The following PIGU variants were observed in gnomAD, a reference collection of about 807,000 sequenced individuals.
PIGU encodes the protein phosphatidylinositol glycan anchor biosynthesis class U, also known as GPI-anchor transamidase component PIGU.
PIGU carries 24 observed loss-of-function variants against 49.9 expected under a neutral mutation model. The observed-to-expected ratio is 0.48, with a 90% CI of 0.35 to 0.68. The LOEUF (loss-of-function observed/expected upper bound fraction) is 0.68, where lower values mean the gene tolerates loss of function less well. PIGU is among the 30% of genes least tolerant of loss of function. The pLI is 0.01. For missense variants in PIGU, 490 were observed against 532.6 expected (o/e 0.92, Z 0.79); for synonymous variants, 220 against 205.7 (o/e 1.07, Z -0.59).
intron 1 of PIGU, among the ~76,000 whole-genome samples, chr20:34,659,188 G>A (rs1349830982): frequency 6.5e-5 from 8 of 123,780 alleles, no homozygotes; most frequent in South Asian, 2.6e-4. Context: ...CAGCCGCCCC[G>A]TCCAGGAGGG....
chr20:34,661,560 T>C (rs1287651249), intron 1 of PIGU, among the ~76,000 whole-genome samples: 1 of 151,928 alleles, frequency 6.6e-6, no homozygotes, highest in Non-Finnish European at 1.5e-5. Flanking sequence ...TTTTTTTTTT[T>C]AATGCTGCAT....
intron 7 of PIGU, among the ~76,000 whole-genome samples, chr20:34,591,953 C>T (rs993371483): frequency 3.9e-5 from 6 of 152,074 alleles, no homozygotes; most frequent in African/African-American, 1.4e-4. Flanking sequence ...TCTGGGAGGC[C>T]GAAGCGGGTG....
intron 7 of PIGU, among the ~76,000 whole-genome samples, chr20:34,596,651 T>C (rs1984211040): frequency 6.6e-6 from 1 of 152,156 alleles, no homozygotes; most frequent in South Asian, 2.1e-4. Context: ...TTTAAAAAAT[T>C]AGAGCGTTCT....
chr20:34,656,849 T>C (rs1161189155), intron 2 of PIGU, among the ~76,000 whole-genome samples: 2 of 152,096 alleles, frequency 1.3e-5, no homozygotes, highest in African/African-American at 4.8e-5. Context: ...GTAGTTTTCA[T>C]GGGAAATCAT....
rs1983335235 is a variant in PIGU, at chr20:34,578,689, C to G, written c.1051+2859G>C. Among the ~76,000 whole-genome samples, 4 of 152,200 alleles carry G rather than the reference C, an allele frequency of 2.6e-5. No homozygotes were observed. The South Asian group carries it at 8.3e-4, about 32-fold the overall frequency. ...CACCAGCATGCAGTTGGCTTCTGGC[C>G]TGTGGTGACCTCTGCAGGAATGGGG... On this transcript the variant is annotated intron_variant, in intron 10 of 11. Coordinates refer to ENST00000217446, the MANE Select transcript of PIGU (RefSeq NM_080476.5).
intron 6 of PIGU, among the ~76,000 whole-genome samples, chr20:34,624,714 G>C (rs1057100392): frequency 3.9e-5 from 6 of 152,188 alleles, no homozygotes; most frequent in Non-Finnish European, 8.8e-5. Context: ...CTTTGCCCAA[G>C]CAACAGCCTT....
chr20:34,611,386 C>T (rs916322657), intron 7 of PIGU, among the ~76,000 whole-genome samples: 2 of 152,158 alleles, frequency 1.3e-5, no homozygotes, highest in Admixed American at 6.6e-5. Flanking sequence ...GTGGCTTATG[C>T]CTGTAATCTC....
intron 1 of PIGU, among the ~76,000 whole-genome samples, chr20:34,672,312 G>T (rs941805573): frequency 6.6e-6 from 1 of 152,152 alleles, no homozygotes; most frequent in African/African-American, 2.4e-5. Flanking sequence ...TAACAGAAAA[G>T]ATATTTTTCC....
intron 11 of PIGU, 86 bp downstream of exon 11, chr20:34,575,018 A>G: frequency 6.6e-7 from 1 of 1,519,394 alleles, no homozygotes; most frequent in Non-Finnish European, 9.0e-7. Context: ...ACCCCCCGGT[A>G]TGCAGAATCC....
intron 7 of PIGU, among the ~76,000 whole-genome samples, chr20:34,610,871 G>C (rs1186111099): frequency 3.9e-5 from 6 of 152,078 alleles, no homozygotes; most frequent in Admixed American, 3.9e-4. Context: ...TAGACCAATG[G>C]AACAGAACAG....
intron 2 of PIGU, among the ~76,000 whole-genome samples, chr20:34,649,950 G>A (rs907701454): frequency 5.3e-5 from 8 of 149,664 alleles, no homozygotes; most frequent in Admixed American, 3.4e-4. Flanking sequence ...CCAGGTTCAC[G>A]CCATTCTCCT....
chr20:34,607,509 C>T (rs550513179), intron 7 of PIGU, among the ~76,000 whole-genome samples: 127 of 152,296 alleles, frequency 8.3e-4, no homozygotes, highest in Non-Finnish European at 1.6e-3. Flanking sequence ...CACCTTCCTG[C>T]TCCATCCCCT....
chr20:34,607,456 C>T (rs372811797), intron 7 of PIGU, among the ~76,000 whole-genome samples: 3 of 152,154 alleles, frequency 2.0e-5, no homozygotes, highest in African/African-American at 7.2e-5. Flanking sequence ...GGCGGGACCT[C>T]GGAGAAGAGT....
chr20:34,602,850 C>A (rs548002349), intron 7 of PIGU, among the ~76,000 whole-genome samples: 1 of 152,290 alleles, frequency 6.6e-6, no homozygotes, highest in Non-Finnish European at 1.5e-5. Context: ...ACAATCCCCT[C>A]CTCCCTCCAA....
At chr20:34,641,911 A>G (rs1431545054) in intron 4 of PIGU, among the ~76,000 whole-genome samples, 1 of 152,224 alleles carries the variant, frequency 6.6e-6, no homozygotes, top group African/African-American at 2.4e-5. Flanking sequence ...TCTGAACTCT[A>G]AAAGTGGAAA....
Position 34,674,296 on chromosome 20 carries a change from A to G in PIGU, c.130+2660T>C, listed in dbSNP as rs369982870. ...CCTGAACCTGGGAGGCGGAGGTTGC[A>G]GTGAGCCGAGATCGCGCCATTGCAC... On this transcript the variant is annotated intron_variant, in intron 1 of 11. Transcript: ENST00000217446. 6.9e-3 allele frequency among the ~76,000 whole-genome samples: 1,053 copies of G among 152,172 alleles called. 13 individuals are homozygous for G. Among genetic ancestry groups the G allele is most frequent in the Middle Eastern group, 0.044 (13 of 294 alleles).
At chr20:34,633,658 A>G (rs1985866578) in intron 6 of PIGU, among the ~76,000 whole-genome samples, 1 of 150,998 alleles carries the variant, frequency 6.6e-6, no homozygotes, top group Non-Finnish European at 1.5e-5. Flanking sequence ...ACCTCCACCT[A>G]CCTGGCTCAA....
At chr20:34,625,368 CAAAAAAAAA>C in intron 6 of PIGU, among the ~76,000 whole-genome samples, 1 of 80,578 alleles carries the variant, frequency 1.2e-5, no homozygotes, top group South Asian at 4.3e-4. Context: ...AACTCCATCT[CAAAAAAAAA>C]AAAAACAAAA....
chr20:34,603,756 C>G (rs1043411290), intron 7 of PIGU, among the ~76,000 whole-genome samples: 7 of 152,162 alleles, frequency 4.6e-5, no homozygotes, highest in African/African-American at 1.7e-4. Context: ...CTAAGAAACC[C>G]CAGTTTCTCT....
Sources: allele counts gnomAD v4.1 joint callset (sites outside exome capture counted in the v4.1 genomes callset), GRCh38; gene constraint gnomAD v4.1.1; transcripts MANE v1.5; gene names NCBI Gene and HGNC (gene_info 2026-07-23, HGNC 2026-07-21).